NAV2: variants seen among roughly 807,000 people sequenced by gnomAD.
The protein encoded by NAV2 is neuron navigator 2, also known as helicase, APC down-regulated 1.
Under a neutral mutation model 223.2 loss-of-function variants are expected in NAV2, and 54 were observed. The ratio of observed to expected loss-of-function variants is 0.24; its 90% CI spans 0.19 to 0.30. The LOEUF (loss-of-function observed/expected upper bound fraction) is 0.30. Among genes scored for constraint, NAV2 ranks in the 10% least tolerant of loss-of-function variants. The probability of loss-of-function intolerance (pLI) is 1.00; values close to 1 mark genes in which losing one functional copy is unlikely to be tolerated. For missense variants in NAV2, 2,806 were observed against 3,147.5 expected (o/e 0.89, Z 2.60); for synonymous variants, 1,279 against 1,239.3 (o/e 1.03, Z -0.67).
At chr11:19,648,182 C>A (rs1028735974) in intron 1 of NAV2, among the ~76,000 whole-genome samples, 1 of 152,124 alleles carries the variant, frequency 6.6e-6, no homozygotes, top group Non-Finnish European at 1.5e-5. Context: ...ATATTAAAAA[C>A]GAAGGTAATA....
Position 20,055,895 on chromosome 11 carries a change from C to T in NAV2, c.4769C>T (p.Ser1590Phe). ...AGCCGCTTCCGGAATAGCTCCATGT[C>T]CCTGGATGAGAAGAGCAGAACCATG... ...TDSRFRNSSM[S>F]LDEKSRTMSR... is the part of the protein sequence containing the mutation. Residue 1590 changes from serine (S) to phenylalanine (F), a missense_variant, in exon 19 of 38, where the codon TCC (serine) becomes TTC (phenylalanine). By Grantham distance (155) the Ser-to-Phe change is radical. Coordinates refer to ENST00000349880, the MANE Select transcript of NAV2 (RefSeq NM_145117.5). 6.2e-7 allele frequency: 1 copy of T among 1,614,154 alleles called. No homozygotes were observed. The highest frequency in any genetic ancestry group is 8.5e-7 in the Non-Finnish European group (1 of 1,180,032).
chr11:19,396,774 G>C (rs1022086238), intron 1 of NAV2, among the ~76,000 whole-genome samples: 2 of 152,192 alleles, frequency 1.3e-5, no homozygotes, highest in Admixed American at 1.3e-4. Flanking sequence ...AGTGGATACT[G>C]TGGAATTTGA....
chr11:19,978,084 C>A (rs1054537702), intron 10 of NAV2, among the ~76,000 whole-genome samples: 1 of 151,946 alleles, frequency 6.6e-6, no homozygotes, highest in Non-Finnish European at 1.5e-5. Context: ...CTCAGCCTCC[C>A]AAAGTGCTGG....
At chr11:19,411,948 T>C (rs1017345415) in intron 1 of NAV2, among the ~76,000 whole-genome samples, 3 of 152,146 alleles carry the variant, frequency 2.0e-5, no homozygotes, top group Non-Finnish European at 4.4e-5. Flanking sequence ...AGTGGTGAAG[T>C]CATCTGCCCA....
At chr11:19,857,148 A>T (rs967460991) in intron 3 of NAV2, among the ~76,000 whole-genome samples, 13 of 152,202 alleles carry the variant, frequency 8.5e-5, no homozygotes, top group African/African-American at 2.7e-4. Context: ...AAAACTGAAG[A>T]TTCACTGCAC....
rs183247903 is a variant in NAV2 at position 19,658,234 on chromosome 11, C to T, written c.76-174250C>T. 3.1e-3 allele frequency among the ~76,000 whole-genome samples: 477 copies of T among 152,072 alleles called. 1 individual carries two copies. Among genetic ancestry groups the T allele is most frequent in the African/African-American group, 0.011 (449 of 41,516 alleles). On this transcript the variant is annotated intron_variant, in intron 1 of 37. Coordinates refer to the NAV2 transcript ENST00000360655. ...GAGTAACCTGCCTAGGATCACACAGCGAGTAAGTGACAGAGCCAGCATTGG... is the reference window on the plus strand; with the variant it reads ...GAGTAACCTGCCTAGGATCACACAGTGAGTAAGTGACAGAGCCAGCATTGG...
intron 1 of NAV2, among the ~76,000 whole-genome samples, chr11:19,733,223 T>C (rs2051976443): frequency 6.6e-6 from 1 of 152,238 alleles, no homozygotes; most frequent in Non-Finnish European, 1.5e-5. Context: ...GCATTTGCTG[T>C]GTGCTCAGCT....
chr11:19,899,127 C>T (rs574679873), intron 6 of NAV2, among the ~76,000 whole-genome samples: 2 of 152,250 alleles, frequency 1.3e-5, no homozygotes, highest in South Asian at 2.1e-4. Flanking sequence ...GAGCGCCATC[C>T]GTGATCCATG....
At chr11:19,963,614 G>A (rs1269531468) in intron 10 of NAV2, among the ~76,000 whole-genome samples, 1 of 152,236 alleles carries the variant, frequency 6.6e-6, no homozygotes, top group Admixed American at 6.5e-5. Flanking sequence ...GAGAATGCTT[G>A]TGCAAGGACC....
chr11:19,753,100 C>T (rs1303953250), intron 1 of NAV2, among the ~76,000 whole-genome samples: 2 of 152,190 alleles, frequency 1.3e-5, no homozygotes, highest in Non-Finnish European at 2.9e-5. Context: ...ACCATGCTGG[C>T]ACCAGATCTC....
At chr11:19,457,664 G>A (rs1001724944) in intron 1 of NAV2, among the ~76,000 whole-genome samples, 3 of 152,182 alleles carry the variant, frequency 2.0e-5, no homozygotes, top group Non-Finnish European at 4.4e-5. Flanking sequence ...TGTAGGGAGT[G>A]GGAGAGAGGA....
intron 1 of NAV2, among the ~76,000 whole-genome samples, chr11:19,427,603 G>T (rs538394370): frequency 6.6e-5 from 10 of 152,260 alleles, no homozygotes; most frequent in Admixed American, 2.6e-4. Flanking sequence ...AATAGTTGTT[G>T]TTGTTGTTTT....
At chr11:19,630,192 C>G (rs2047304504) in intron 1 of NAV2, among the ~76,000 whole-genome samples, 1 of 152,166 alleles carries the variant, frequency 6.6e-6, no homozygotes, top group Non-Finnish European at 1.5e-5. Context: ...CTTCATCTCT[C>G]TGTATCTAGA....
chr11:19,922,835 C>T (rs929738490), intron 6 of NAV2, among the ~76,000 whole-genome samples: 11 of 152,170 alleles, frequency 7.2e-5, no homozygotes, highest in Admixed American at 6.5e-5. Context: ...AAGATCCTCA[C>T]CCATCTTGTT....
chr11:20,112,337 A>G (rs113546032), intron 36 of NAV2, among the ~76,000 whole-genome samples: 1 of 152,146 alleles, frequency 6.6e-6, no homozygotes, highest in Non-Finnish European at 1.5e-5. Context: ...AGGAAGACTT[A>G]GCAACAGACT....
intron 1 of NAV2, among the ~76,000 whole-genome samples, chr11:19,457,595 C>T (rs1851999356): frequency 6.6e-6 from 1 of 151,926 alleles, no homozygotes; most frequent in Admixed American, 6.6e-5. Flanking sequence ...GGAATGACAC[C>T]CTCTGATTTG....
At chr11:19,374,639 A>G (rs1432559939) in intron 1 of NAV2, among the ~76,000 whole-genome samples, 1 of 152,248 alleles carries the variant, frequency 6.6e-6, no homozygotes, top group Non-Finnish European at 1.5e-5. Flanking sequence ...TGACTTAATG[A>G]GCTAGATCAA....
intron 19 of NAV2, chr11:20,056,576 C>T: frequency 1.2e-6 from 2 of 1,614,056 alleles, no homozygotes; most frequent in Non-Finnish European, 1.7e-6. Context: ...GCCGTCTTCA[C>T]AGCTCACTTC....
intron 9 of NAV2, 114 bp downstream of exon 9, chr11:19,946,623 C>A: frequency 1.2e-6 from 1 of 847,558 alleles, no homozygotes; most frequent in Non-Finnish European, 1.9e-6. Context: ...CCTCGCTTTC[C>A]AAATGTGCCG....
Sources: allele counts gnomAD v4.1 joint callset (sites outside exome capture counted in the v4.1 genomes callset), GRCh38; gene constraint gnomAD v4.1.1; transcripts MANE v1.5; gene names NCBI Gene and HGNC (gene_info 2026-07-23, HGNC 2026-07-21).